Variants in MACROD2 observed in about 807,000 individuals in gnomAD.
MACROD2 encodes mono-ADP ribosylhydrolase 2, also known as ADP-ribose glycohydrolase MACROD2.
MACROD2 carries 36 observed loss-of-function variants against 70.4 expected under a neutral mutation model. The ratio of observed to expected loss-of-function variants is 0.51; its 90% confidence interval spans 0.39 to 0.68. The LOEUF is 0.68. Among genes scored for constraint, MACROD2 ranks in the 30% least tolerant of loss-of-function variants. The pLI is 0.00. For missense variants in MACROD2, 496 were observed against 538.4 expected (o/e 0.92, Z 0.78); for synonymous variants, 172 against 178.8 (o/e 0.96, Z 0.30).
chr20:15,179,741 T>G (rs1333576021), intron 5 of MACROD2, among the ~76,000 whole-genome samples: 1 of 152,216 alleles, frequency 6.6e-6, no homozygotes, highest in Non-Finnish European at 1.5e-5. Flanking sequence ...CAAGTGATGC[T>G]ATTAATGTGT....
chr20:14,440,802 G>C (rs2084112872), intron 3 of MACROD2, among the ~76,000 whole-genome samples: 1 of 152,170 alleles, frequency 6.6e-6, no homozygotes, highest in Admixed American at 6.5e-5. Context: ...TAGCTAGGGA[G>C]CCCGGGGCAT....
At chr20:15,678,787 T>C (rs2050115680) in intron 8 of MACROD2, among the ~76,000 whole-genome samples, 1 of 122,390 alleles carries the variant, frequency 8.2e-6, no homozygotes, top group Admixed American at 8.5e-5. Flanking sequence ...GTGGGCACAG[T>C]GGTGTGTTGG....
intron 8 of MACROD2, among the ~76,000 whole-genome samples, chr20:15,717,584 A>G (rs1313577039): frequency 6.6e-6 from 1 of 152,212 alleles, no homozygotes; most frequent in African/African-American, 2.4e-5. Context: ...CAGGGATGTG[A>G]GCGTGCAGCC....
In MACROD2 at chr20:15,281,079, T is replaced by C. The variant is rs528239848; in HGVS notation, c.540+51018T>C. Among the ~76,000 whole-genome samples the C allele has an allele frequency of 5.6e-4, 85 of 152,328 alleles. 1 individual carries two copies. The South Asian group carries it at 0.017, about 31-fold the overall frequency. On this transcript the variant is annotated intron_variant, in intron 6 of 17. Transcript: ENST00000684519. ...AAGCAAGAGAAACACTAGACGCTTA[T>C]AAAACTGTCAGATCTTGTGAGAACT... is the stretch of plus-strand genomic sequence containing the variant.
At chr20:15,079,713 C>A (rs895191229) in intron 5 of MACROD2, among the ~76,000 whole-genome samples, 1 of 152,048 alleles carries the variant, frequency 6.6e-6, no homozygotes, top group Non-Finnish European at 1.5e-5. Flanking sequence ...GTTAAGTCCT[C>A]CTTTCTGCCT....
intron 10 of MACROD2, among the ~76,000 whole-genome samples, chr20:15,932,813 G>A (rs892823222): frequency 5.9e-5 from 9 of 152,148 alleles, no homozygotes; most frequent in Admixed American, 2.6e-4. Context: ...ATATTTTATA[G>A]CATAGGTATG....
intron 5 of MACROD2, among the ~76,000 whole-genome samples, chr20:14,874,168 G>A (rs1407522513): frequency 7.9e-5 from 12 of 151,824 alleles, no homozygotes; most frequent in Non-Finnish European, 5.9e-5. Context: ...CTTTTGGTAA[G>A]AAAGATTTCT....
At chr20:15,894,050 G>T (rs753150243) in intron 10 of MACROD2, 2 of 411,082 alleles carry the variant, frequency 4.9e-6, no homozygotes, top group South Asian at 3.6e-5. Context: ...GCAAGAAAGT[G>T]GCCGGCCTCA....
At chr20:15,341,282 A>T (rs1026462450) in intron 6 of MACROD2, among the ~76,000 whole-genome samples, 1 of 152,212 alleles carries the variant, frequency 6.6e-6, no homozygotes, top group Non-Finnish European at 1.5e-5. Flanking sequence ...ATAATTAAAC[A>T]CATTCCTATT....
intron 5 of MACROD2, among the ~76,000 whole-genome samples, chr20:15,053,755 G>C (rs946130209): frequency 6.6e-6 from 1 of 152,110 alleles, no homozygotes; most frequent in Non-Finnish European, 1.5e-5. Flanking sequence ...AATACATTTT[G>C]TAAGGCCATA....
chr20:15,994,431 C>T (rs538091286), intron 15 of MACROD2, among the ~76,000 whole-genome samples: 20 of 152,050 alleles, frequency 1.3e-4, no homozygotes, highest in African/African-American at 2.9e-4. Flanking sequence ...AGATGTAGAA[C>T]GTTTTCATAT....
intron 8 of MACROD2, among the ~76,000 whole-genome samples, chr20:15,636,587 A>G (rs2049373122): frequency 6.6e-6 from 1 of 152,174 alleles, no homozygotes; most frequent in South Asian, 2.1e-4. Context: ...TCAGGGACTG[A>G]AGCAAGCCCC....
intron 13 of MACROD2, among the ~76,000 whole-genome samples, chr20:15,969,161 T>G (rs1192789376): frequency 6.6e-6 from 1 of 152,034 alleles, no homozygotes; most frequent in Admixed American, 6.6e-5. Context: ...ATCTCAATCC[T>G]CACATTAGGT....
chr20:14,806,162 G>A (rs947245602), intron 5 of MACROD2, among the ~76,000 whole-genome samples: 5 of 152,194 alleles, frequency 3.3e-5, no homozygotes, highest in South Asian at 2.1e-4. Context: ...ACAGTGACTC[G>A]AAGAGGGCCG....
At chr20:14,251,241 T>C (rs552439657) in intron 3 of MACROD2, among the ~76,000 whole-genome samples, 69 of 152,254 alleles carry the variant, frequency 4.5e-4, no homozygotes, top group African/African-American at 1.4e-3. Context: ...GTTTTCTAAT[T>C]GCATATCCTC....
intron 5 of MACROD2, among the ~76,000 whole-genome samples, chr20:15,122,986 T>C (rs1294707856): frequency 6.6e-6 from 1 of 152,210 alleles, no homozygotes; most frequent in Non-Finnish European, 1.5e-5. Flanking sequence ...TCCATGTCTC[T>C]GAGTAATTTA....
chr20:14,119,563 C>A (rs575752263), intron 3 of MACROD2, among the ~76,000 whole-genome samples: 1 of 152,218 alleles, frequency 6.6e-6, no homozygotes, highest in East Asian at 1.9e-4. Flanking sequence ...AAAAAAAATC[C>A]TAAACAAGAG....
At chr20:14,270,020 T>A (rs1019317477) in intron 3 of MACROD2, among the ~76,000 whole-genome samples, 7 of 152,164 alleles carry the variant, frequency 4.6e-5, no homozygotes, top group Admixed American at 3.9e-4. Flanking sequence ...TTATTATGTA[T>A]TATATTCAAT....
In MACROD2 at chr20:15,455,175, G is replaced by T. The variant is rs144602297; in HGVS notation, c.571+23740G>T. The stretch of plus-strand genomic sequence containing the variant: ...GTGCATCTTCAGAGACACTGGGCGT[G>T]CAGGCAGTAGAGAAGTATTTCACCT... On this transcript the variant is annotated intron_variant, in intron 7 of 17. Coordinates refer to ENST00000684519, the MANE Select transcript of MACROD2 (RefSeq NM_001351661.2). 3.3e-5 allele frequency among the ~76,000 whole-genome samples: 5 copies of T among 152,264 alleles called. No individual in the cohort carries two copies. The East Asian group carries it at 5.8e-4, about 18-fold the overall frequency.
Sources: gnomAD v4.1 joint callset for allele counts (sites outside exome capture counted in the v4.1 genomes callset) on GRCh38, gnomAD v4.1.1 for gene constraint, MANE v1.5 for transcripts, NCBI Gene and HGNC (gene_info 2026-07-23, HGNC 2026-07-21) for gene names.